DLGAP1: variants seen among roughly 807,000 people sequenced by gnomAD.
DLGAP1 encodes DLG associated protein 1.
DLGAP1 carries 11 observed loss-of-function variants against 90.8 expected under a neutral mutation model. The ratio of observed to expected loss-of-function variants is 0.12; its 90% confidence interval spans 0.08 to 0.20. The LOEUF (loss-of-function observed/expected upper bound fraction) is 0.20. Ranked by LOEUF, DLGAP1 falls within the 10% of genes least tolerant of loss-of-function variation. DLGAP1 has a pLI of 1.00. For synonymous variants in DLGAP1, 558 were observed against 540.7 expected, an observed-to-expected ratio of 1.03 and a Z score of -0.44; for missense variants, 1,050 against 1,333.8, an observed-to-expected ratio of 0.79 and a Z score of 3.31.
At chr18:4,356,389 CACCT>C (rs1294621883) in intron 1 of DLGAP1, among the ~76,000 whole-genome samples, 2 of 152,144 alleles carry the variant, frequency 1.3e-5, no homozygotes, top group Non-Finnish European at 2.9e-5. Context: ...TACCAGTAGG[CACCT>C]TAAAATTTAC....
chr18:4,301,910 T>C (rs951114474), intron 1 of DLGAP1, among the ~76,000 whole-genome samples: 4 of 152,182 alleles, frequency 2.6e-5, no homozygotes, highest in African/African-American at 9.7e-5. Flanking sequence ...TTTTTTTTCA[T>C]ATATCTGTTG....
intron 1 of DLGAP1, among the ~76,000 whole-genome samples, chr18:4,255,080 G>A (rs1346058767): frequency 3.9e-5 from 6 of 152,174 alleles, no homozygotes; most frequent in Non-Finnish European, 8.8e-5. Flanking sequence ...GGGCACAGCA[G>A]GAAATAAGGC....
chr18:4,008,249 ACT>A (rs1188893591), intron 2 of DLGAP1, among the ~76,000 whole-genome samples: 28 of 151,400 alleles, frequency 1.8e-4, no homozygotes, highest in African/African-American at 5.8e-4. Context: ...ACACACACAC[ACT>A]CACACACACA....
At chr18:4,163,961 A>C (rs1486491055) in intron 1 of DLGAP1, among the ~76,000 whole-genome samples, 1 of 152,168 alleles carries the variant, frequency 6.6e-6, no homozygotes, top group Non-Finnish European at 1.5e-5. Context: ...TCCCTCACTG[A>C]GAGACATCCA....
At chr18:4,059,308 C>T (rs771191693) in intron 2 of DLGAP1, among the ~76,000 whole-genome samples, 2 of 152,114 alleles carry the variant, frequency 1.3e-5, no homozygotes, top group Non-Finnish European at 2.9e-5. Flanking sequence ...ACATGGGTAA[C>T]TGTGTCTCCA....
At chr18:4,244,103 C>G (rs915655169) in intron 1 of DLGAP1, among the ~76,000 whole-genome samples, 3 of 152,012 alleles carry the variant, frequency 2.0e-5, no homozygotes, top group African/African-American at 7.3e-5. Flanking sequence ...ACAAGTCCAT[C>G]AAAAATATCT....
intron 1 of DLGAP1, among the ~76,000 whole-genome samples, chr18:4,182,829 T>C (rs2077231025): frequency 6.6e-6 from 1 of 152,084 alleles, no homozygotes; most frequent in Non-Finnish European, 1.5e-5. Flanking sequence ...TAGAATCAAG[T>C]GAAATAATAA....
intron 2 of DLGAP1, among the ~76,000 whole-genome samples, chr18:4,118,055 C>T (rs1376752031): frequency 2.0e-5 from 3 of 151,936 alleles, no homozygotes; most frequent in African/African-American, 7.2e-5. Context: ...GTGGTCTTTC[C>T]ATTGTACCCT....
chr18:4,417,089 A>G (rs2082917314), intron 1 of DLGAP1, among the ~76,000 whole-genome samples: 1 of 152,110 alleles, frequency 6.6e-6, no homozygotes, highest in South Asian at 2.1e-4. Flanking sequence ...CTATTTTTGT[A>G]ATATTACTAA....
intron 4 of DLGAP1, among the ~76,000 whole-genome samples, chr18:3,825,586 A>G (rs1322852301): frequency 6.6e-6 from 1 of 152,142 alleles, no homozygotes; most frequent in African/African-American, 2.4e-5. Context: ...TTTTTTTTCC[A>G]AATATTTTTG....
intron 5 of DLGAP1, among the ~76,000 whole-genome samples, chr18:3,800,816 T>A: frequency 1.3e-5 from 2 of 152,196 alleles, no homozygotes; most frequent in East Asian, 3.8e-4. Flanking sequence ...GGCGTATCAC[T>A]ACGGCAAGCA....
intron 2 of DLGAP1, among the ~76,000 whole-genome samples, chr18:4,006,224 T>C (rs1023710276): frequency 2.0e-5 from 3 of 152,176 alleles, no homozygotes; most frequent in African/African-American, 4.8e-5. Flanking sequence ...ATAGCAACTA[T>C]GGGAGACTAG....
At chr18:3,814,296 A>ACT (rs745683572) in intron 4 of DLGAP1, 23 bp from the exon 5 acceptor site, 1 of 1,596,396 alleles carries the variant, frequency 6.3e-7, no homozygotes, top group Non-Finnish European at 8.6e-7. Context: ...AAAACAGATA[A>ACT]ATCACTTTTT....
chr18:4,132,856 A>G (rs2076338054), intron 2 of DLGAP1, among the ~76,000 whole-genome samples: 1 of 152,200 alleles, frequency 6.6e-6, no homozygotes, highest in Non-Finnish European at 1.5e-5. Flanking sequence ...GTTATCCAGG[A>G]GCTTTAATAA....
intron 8 of DLGAP1, among the ~76,000 whole-genome samples, chr18:3,571,688 G>A (rs2054797539): frequency 6.6e-6 from 1 of 151,544 alleles, no homozygotes; most frequent in African/African-American, 2.4e-5. Context: ...CACCATGCCC[G>A]GCTAATTTTT....
intron 10 of DLGAP1, among the ~76,000 whole-genome samples, chr18:3,513,336 G>A (rs1334459604): frequency 1.3e-5 from 2 of 152,224 alleles, no homozygotes; most frequent in East Asian, 3.8e-4. Context: ...TGTCCAGGCT[G>A]GAGGACAGTG....
At chr18:3,601,203 C>T (rs1403152253) in intron 7 of DLGAP1, among the ~76,000 whole-genome samples, 1 of 151,980 alleles carries the variant, frequency 6.6e-6, no homozygotes, top group Non-Finnish European at 1.5e-5. Context: ...TCTCCCACCT[C>T]AGCCACCCAA....
chr18:4,262,928 TTATTA>T (rs1242571216), intron 1 of DLGAP1, among the ~76,000 whole-genome samples: 3 of 151,118 alleles, frequency 2.0e-5, no homozygotes, highest in African/African-American at 7.3e-5. Flanking sequence ...ATTATTATTA[TTATTA>T]TTTTATTATT....
At chr18:4,411,606 A>G (rs970850993) in intron 1 of DLGAP1, among the ~76,000 whole-genome samples, 3 of 152,178 alleles carry the variant, frequency 2.0e-5, no homozygotes, top group Non-Finnish European at 2.9e-5. Flanking sequence ...CATAATCTGG[A>G]GGTTGATGGG....
Sources: gnomAD v4.1 joint callset for allele counts (sites outside exome capture counted in the v4.1 genomes callset) on GRCh38, gnomAD v4.1.1 for gene constraint, MANE v1.5 for transcripts, NCBI Gene and HGNC (gene_info 2026-07-23, HGNC 2026-07-21) for gene names.